Variants in AMPH observed in about 807,000 individuals in gnomAD.
AMPH encodes amphiphysin (Stiff-Mann syndrome with breast cancer 128kD autoantigen).
AMPH carries 49 observed loss-of-function variants against 99.1 expected under a neutral mutation model. The observed-to-expected ratio is 0.49, with a 90% CI of 0.39 to 0.63. The LOEUF (loss-of-function observed/expected upper bound fraction) is 0.63, where lower values mean the gene tolerates loss of function less well. Among genes scored for constraint, AMPH ranks in the 20% least tolerant of loss-of-function variants. The pLI is 0.00. For missense variants in AMPH, 759 were observed against 863.4 expected (o/e 0.88, Z 1.52); for synonymous variants, 314 against 317.3 (o/e 0.99, Z 0.11).
intron 17 of AMPH, among the ~76,000 whole-genome samples, chr7:38,407,335 A>ATCTCTCTCTCTCTC (rs70975099): frequency 6.5e-4 from 92 of 140,580 alleles, no homozygotes; most frequent in South Asian, 5.9e-3. Context: ...ATTAGGGAAA[A>ATCTCTCTCTCTCTC]TCTCTCTCTC....
rs542962829 is a variant in AMPH at position 38,436,132 on chromosome 7, C to T, written c.1134+140G>A. On this transcript the variant is annotated intron_variant, in intron 12 of 20. Transcript: ENST00000356264. ...ATATAGATAAGGTCCCCTTTCTACC[C>T]CTCTTTCCTATTAGGAAATATCTGT... 1.5e-4 allele frequency: 95 copies of T among 644,730 alleles called. 2 individuals carry two copies. The South Asian group carries it at 1.8e-3, about 12-fold the overall frequency. 39.9% of individuals were successfully genotyped at this position (644,730 alleles called of 1,614,324 possible). A position where few individuals can be genotyped will look rare whatever the true frequency, so the allele number is the denominator to read the frequency against.
chr7:38,423,791 T>C (rs974528784), intron 15 of AMPH, among the ~76,000 whole-genome samples: 3 of 152,096 alleles, frequency 2.0e-5, no homozygotes, highest in Non-Finnish European at 2.9e-5. Flanking sequence ...AACAGAAGAA[T>C]AGTAAAAGTC....
In AMPH at chr7:38,391,905, G is replaced by A. The variant is rs1354995443; in HGVS notation, c.1721C>T (p.Pro574Leu). ...EPKETTEDAAPPGPTSETPEL... is the reference protein window; with the variant it reads ...EPKETTEDAALPGPTSETPEL... Reference sequence around the variant, plus strand: ...CGGTGTCTCGCTGGTGGGGCCCGGAGGAGCCGCGTCCTCGGTGGTCTCCTT... The same window carrying A: ...CGGTGTCTCGCTGGTGGGGCCCGGAAGAGCCGCGTCCTCGGTGGTCTCCTT... Residue 574 changes from proline to leucine, a missense_variant, in exon 19 of 21, where the codon CCT becomes CTT. Coordinates refer to ENST00000356264, the MANE Select transcript of AMPH (RefSeq NM_001635.4). The A allele has an allele frequency of 2.5e-6, 4 of 1,612,730 alleles. No homozygotes were observed. Among genetic ancestry groups the A allele is most frequent in the Non-Finnish European group, 2.5e-6 (3 of 1,179,844 alleles).
At chr7:38,398,943 C>A (rs2128978415) in intron 17 of AMPH, among the ~76,000 whole-genome samples, 1 of 152,334 alleles carries the variant, frequency 6.6e-6, no homozygotes, top group East Asian at 1.9e-4. Flanking sequence ...CTCTGACGTT[C>A]CTGACGTTGT....
chr7:38,405,596 CAA>C lies in AMPH; in HGVS notation c.1399-11384_1399-11383del, dbSNP rs1202362155. On this transcript the variant is annotated intron_variant, in intron 17 of 20. Coordinates refer to ENST00000356264, the MANE Select transcript of AMPH (RefSeq NM_001635.4). ...CTTTAAGCCAATAACATTAAAAAGA[CAA>C]AGACAGCATTATATCATAACAAGAG... 2.0e-5 allele frequency among the ~76,000 whole-genome samples: 3 copies of C among 151,952 alleles called. No individual in the cohort carries two copies. The South Asian group carries it at 6.2e-4, about 32-fold the overall frequency.
chr7:38,414,988 T>G (rs1172097925), intron 17 of AMPH, among the ~76,000 whole-genome samples: 1 of 152,146 alleles, frequency 6.6e-6, no homozygotes, highest in Non-Finnish European at 1.5e-5. Flanking sequence ...TTCTAACAAA[T>G]ATTTTCATTA....
chr7:38,491,861 A>C (rs1479950714), intron 4 of AMPH, among the ~76,000 whole-genome samples: 1 of 152,196 alleles, frequency 6.6e-6, no homozygotes, highest in East Asian at 1.9e-4. Context: ...CCATGATATG[A>C]AAGTCAGGAA....
chr7:38,560,507 AG>A (rs1791516421), intron 1 of AMPH, among the ~76,000 whole-genome samples: 1 of 152,186 alleles, frequency 6.6e-6, no homozygotes, highest in African/African-American at 2.4e-5. Context: ...ACACAGTGCA[AG>A]CTAGCTGGCA....
intron 1 of AMPH, among the ~76,000 whole-genome samples, chr7:38,579,757 G>C (rs1022001789): frequency 1.3e-5 from 2 of 152,194 alleles, no homozygotes; most frequent in Admixed American, 1.3e-4. Flanking sequence ...AGTTGATCAT[G>C]GGAAGACATC....
intron 17 of AMPH, among the ~76,000 whole-genome samples, chr7:38,397,278 G>A (rs1584035931): frequency 6.6e-6 from 1 of 152,210 alleles, no homozygotes; most frequent in Non-Finnish European, 1.5e-5. Context: ...ATCTCTGGGA[G>A]AGGATATCTT....
At chr7:38,606,918 G>A (rs1329929907) in intron 1 of AMPH, among the ~76,000 whole-genome samples, 2 of 152,030 alleles carry the variant, frequency 1.3e-5, no homozygotes, top group Non-Finnish European at 2.9e-5. Context: ...TACACTGTAT[G>A]AATTTTCACA....
At chr7:38,505,748 G>A (rs1206581021) in intron 2 of AMPH, among the ~76,000 whole-genome samples, 1 of 152,122 alleles carries the variant, frequency 6.6e-6, no homozygotes, top group Non-Finnish European at 1.5e-5. Flanking sequence ...AAGTCAGGAT[G>A]AAGTTCTCAA....
intron 1 of AMPH, among the ~76,000 whole-genome samples, chr7:38,600,122 TA>T (rs1405242364): frequency 6.6e-6 from 1 of 152,128 alleles, no homozygotes; most frequent in African/African-American, 2.4e-5. Context: ...TGTGATAGTT[TA>T]AAAAAATAAA....
Position 38,429,827 on chromosome 7 carries a change from T to A in AMPH, c.1182+15A>T, listed in dbSNP as rs372078125. The stretch of plus-strand genomic sequence containing the variant: ...AATACCAAAAAAATCCAGAATGATC[T>A]GGATATTTACCTACCGGCTGTACCA... On this transcript the variant is annotated intron_variant, in intron 14 of 20. Transcript: ENST00000356264. The A allele has an allele frequency of 6.2e-7, 1 of 1,602,928 alleles. No homozygotes were observed. Among genetic ancestry groups the A allele is most frequent in the African/African-American group, 1.3e-5 (1 of 74,194 alleles).
intron 1 of AMPH, among the ~76,000 whole-genome samples, chr7:38,603,236 A>G (rs562215245): frequency 3.3e-5 from 5 of 150,778 alleles, no homozygotes; most frequent in African/African-American, 1.2e-4. Flanking sequence ...GAATCCCCTG[A>G]ACCTGGGAGG....
At chr7:38,388,258 G>T (rs939158712) in intron 20 of AMPH, among the ~76,000 whole-genome samples, 2 of 151,986 alleles carry the variant, frequency 1.3e-5, no homozygotes, top group Non-Finnish European at 2.9e-5. Context: ...TCTGGTTAAT[G>T]CAGACAAAAA....
chr7:38,424,664 T>A (rs73118157), intron 15 of AMPH, among the ~76,000 whole-genome samples: 6,506 of 151,902 alleles, frequency 0.043, 181 homozygotes, highest in Admixed American at 0.066. Flanking sequence ...GATAAAGCCA[T>A]GAAATATTTT....
At chr7:38,587,984 C>T (rs1792724607) in intron 1 of AMPH, among the ~76,000 whole-genome samples, 1 of 150,600 alleles carries the variant, frequency 6.6e-6, no homozygotes, top group South Asian at 2.1e-4. Context: ...TAGGGTCTTA[C>T]TTTTTCACCC....
chr7:38,615,585 A>G (rs1346722844), intron 1 of AMPH, among the ~76,000 whole-genome samples: 1 of 151,864 alleles, frequency 6.6e-6, no homozygotes, highest in Non-Finnish European at 1.5e-5. Context: ...ATATACCCCA[A>G]TTTTCTCCTC....
Sources: allele counts gnomAD v4.1 joint callset (sites outside exome capture counted in the v4.1 genomes callset), GRCh38; gene constraint gnomAD v4.1.1; transcripts MANE v1.5; gene names NCBI Gene and HGNC (gene_info 2026-07-23, HGNC 2026-07-21).